LUZP1: variants seen among roughly 807,000 people sequenced by gnomAD.
LUZP1 encodes filamin mechanobinding actin cross-linking protein.
LUZP1 carries 25 observed loss-of-function variants against 71.3 expected under a neutral mutation model. That is an observed-to-expected ratio of 0.35 (90% CI 0.26 to 0.49). The LOEUF (loss-of-function observed/expected upper bound fraction) is 0.49. Among genes scored for constraint, LUZP1 ranks in the 20% least tolerant of loss-of-function variants. The probability of loss-of-function intolerance (pLI) is 0.99; values close to 1 mark genes in which losing one functional copy is unlikely to be tolerated. For synonymous variants in LUZP1, 481 were observed against 506.4 expected, an observed-to-expected ratio of 0.95 and a Z score of 0.67; for missense variants, 1,142 against 1,300.8, an observed-to-expected ratio of 0.88 and a Z score of 1.88.
intron 2 of LUZP1, among the ~76,000 whole-genome samples, chr1:23,162,023 C>CA (rs377371342): frequency 0.033 from 1,933 of 59,436 alleles, 173 homozygotes; most frequent in African/African-American, 0.055. Flanking sequence ...GAGACTGTCT[C>CA]AAAAAAAAAA....
At chr1:23,131,710 G>T (rs1644216960) in intron 2 of LUZP1, among the ~76,000 whole-genome samples, 1 of 150,316 alleles carries the variant, frequency 6.7e-6, no homozygotes, top group Non-Finnish European at 1.5e-5. Context: ...TTTTGAGATG[G>T]AGTCTCACCC....
Position 23,109,024 on chromosome 1 carries a change from T to G in LUZP1, c.-122A>C, listed in dbSNP as rs973237790. On this transcript the variant is annotated splice_region_variant and 5_prime_UTR_variant, in exon 3 of 5. An upstream start codon of the reference 5' UTR is lost. Transcript: ENST00000302291. ...GTTTCACTGTACAACATACTTACCA[T>G]GTAGGTAATTCAAGCTTTCCGTCAA... 6.6e-6 allele frequency: 1 copy of G among 152,224 alleles called. No homozygotes were observed. Among genetic ancestry groups the G allele is most frequent in the African/African-American group, 2.4e-5 (1 of 41,462 alleles). The allele number at this position is 152,224 out of a possible 1,614,324, so 9.4% of individuals were successfully genotyped here.
intron 2 of LUZP1, among the ~76,000 whole-genome samples, chr1:23,158,792 C>T (rs911198808): frequency 9.4e-5 from 14 of 148,602 alleles, no homozygotes; most frequent in Non-Finnish European, 1.8e-4. Flanking sequence ...CATGGTGAAA[C>T]ACCGTCTCTA....
intron 4 of LUZP1, chr1:23,090,596 CTGA>C: frequency 2.0e-6 from 1 of 508,280 alleles, no homozygotes. Flanking sequence ...TGCCCTCAGA[CTGA>C]TAATATGAGA....
chr1:23,088,594 G>T, exon 5 of LUZP1: 1 of 287,602 alleles, frequency 3.5e-6, no homozygotes, highest in South Asian at 6.1e-5. Context: ...TGTGTGCTGG[G>T]GACTTTATCT....
At chr1:23,092,123 C>T (rs1643863716) in exon 4 of LUZP1, 1 of 1,614,210 alleles carries the variant, frequency 6.2e-7, no homozygotes, top group South Asian at 1.1e-5. Context: ...ATTCATTCTC[C>T]ATTCCAGCAT....
intron 2 of LUZP1, among the ~76,000 whole-genome samples, chr1:23,166,500 C>A (rs568720149): frequency 6.6e-6 from 1 of 151,704 alleles, no homozygotes; most frequent in East Asian, 1.9e-4. Flanking sequence ...ACTAAAAATA[C>A]AAAAATTAAC....
intron 2 of LUZP1, among the ~76,000 whole-genome samples, chr1:23,122,022 A>AAATT (rs1185457469): frequency 1.1e-4 from 17 of 152,070 alleles, no homozygotes; most frequent in East Asian, 7.7e-4. Flanking sequence ...AAAAATAAAT[A>AAATT]AATTAATTAA....
rs1448283624 is a variant in LUZP1, at chr1:23,109,143, A to G, written c.-225-16T>C. Reference sequence around the variant, plus strand: ...GTCTCTTGACCTGGATAGAATATAAACAGAATGGAAGAGATAGGTAATGCA... The same window carrying G: ...GTCTCTTGACCTGGATAGAATATAAGCAGAATGGAAGAGATAGGTAATGCA... On this transcript the variant is annotated splice_polypyrimidine_tract_variant and intron_variant, in intron 2 of 4. Transcript: ENST00000302291. 1 of 152,188 alleles carries G rather than the reference A, an allele frequency of 6.6e-6. No individual in the cohort carries two copies. Among genetic ancestry groups the G allele is most frequent in the East Asian group, 1.9e-4 (1 of 5,196 alleles). The allele number at this position is 152,188 out of a possible 1,614,324, so 9.4% of individuals were successfully genotyped here. A position where few individuals can be genotyped will look rare whatever the true frequency, so the allele number is the denominator to read the frequency against.
intron 2 of LUZP1, among the ~76,000 whole-genome samples, chr1:23,110,541 T>C (rs150493232): frequency 1.8e-3 from 278 of 152,058 alleles, no homozygotes; most frequent in Admixed American, 3.5e-3. Flanking sequence ...CTTCCAAGAC[T>C]ATTGGTCCCT....
At chr1:23,110,958 G>C (rs1157953312) in intron 2 of LUZP1, among the ~76,000 whole-genome samples, 2 of 152,070 alleles carry the variant, frequency 1.3e-5, no homozygotes, top group Admixed American at 1.3e-4. Flanking sequence ...CCAGCACTTT[G>C]GGCGGCCAAG....
chr1:23,170,162 A>G (rs1644541803), intron 1 of LUZP1, among the ~76,000 whole-genome samples: 1 of 152,186 alleles, frequency 6.6e-6, no homozygotes, highest in Non-Finnish European at 1.5e-5. Flanking sequence ...TCACGTGGGC[A>G]TGAACACTAC....
At chr1:23,175,911 G>T (rs1644579188) in intron 1 of LUZP1, among the ~76,000 whole-genome samples, 1 of 152,188 alleles carries the variant, frequency 6.6e-6, no homozygotes, top group African/African-American at 2.4e-5. Context: ...TGGAGCCTCA[G>T]AGAGGGTAAG....
At chr1:23,091,589 G>A (rs775355531) in exon 4 of LUZP1, 1 of 1,614,154 alleles carries the variant, frequency 6.2e-7, no homozygotes, top group Non-Finnish European at 8.5e-7. Context: ...GAGGTGCATG[G>A]CTATTCCTCT....
rs184807112 is a variant in LUZP1 at position 23,164,039 on chromosome 1, T to C, written c.-226+4727A>G. On this transcript the variant is annotated intron_variant, in intron 2 of 4. Coordinates refer to ENST00000302291, the Ensembl canonical transcript of LUZP1. ...CCCGCTCAAGGAGGGAACACTATTA[T>C]AGTCACCCCTTTGAGTAGATCTAAA... 7.9e-5 allele frequency: 12 copies of C among 152,296 alleles called. No homozygotes were observed. The East Asian group carries it at 2.3e-3, about 29-fold the overall frequency. The allele number at this position is 152,296 out of a possible 1,614,324, so 9.4% of individuals were successfully genotyped here.
chr1:23,165,101 G>A (rs973688326), intron 2 of LUZP1, among the ~76,000 whole-genome samples: 7 of 151,986 alleles, frequency 4.6e-5, no homozygotes, highest in Admixed American at 1.3e-4. Flanking sequence ...AAATACCGAA[G>A]GTTTTCCTAT....
At chr1:23,137,013 T>C (rs1644260156) in intron 2 of LUZP1, among the ~76,000 whole-genome samples, 1 of 152,248 alleles carries the variant, frequency 6.6e-6, no homozygotes, top group Non-Finnish European at 1.5e-5. Flanking sequence ...ACAATGGTGC[T>C]ATCTGTCATA....
intron 1 of LUZP1, among the ~76,000 whole-genome samples, chr1:23,175,559 T>G (rs1190073238): frequency 6.6e-6 from 1 of 152,198 alleles, no homozygotes; most frequent in Non-Finnish European, 1.5e-5. Context: ...TGGGACTTCC[T>G]CGACGACAGG....
chr1:23,105,434 C>T (rs1290259541), intron 3 of LUZP1, among the ~76,000 whole-genome samples: 2 of 152,170 alleles, frequency 1.3e-5, no homozygotes, highest in Non-Finnish European at 2.9e-5. Context: ...ACTCTGAAGC[C>T]AGGCAGCCTA....
Sources: gnomAD v4.1 joint callset for allele counts (sites outside exome capture counted in the v4.1 genomes callset) on GRCh38, gnomAD v4.1.1 for gene constraint, MANE v1.5 for transcripts, NCBI Gene and HGNC (gene_info 2026-07-23, HGNC 2026-07-21) for gene names.